The following SUFU variants were observed in gnomAD, a reference collection of about 807,000 sequenced individuals.
SUFU encodes SUFU negative regulator of hedgehog signaling.
Under a neutral mutation model 58.9 loss-of-function variants are expected in SUFU, and 7 were observed. The observed-to-expected ratio is 0.12, with a 90% CI of 0.07 to 0.22. The LOEUF (loss-of-function observed/expected upper bound fraction) is 0.22, where lower values mean the gene tolerates loss of function less well. Ranked by LOEUF, SUFU falls within the 10% of genes least tolerant of loss-of-function variation. The pLI, the probability that SUFU is intolerant of heterozygous loss-of-function variation, is 1.00. For synonymous variants in SUFU, 232 were observed against 254.8 expected, an observed-to-expected ratio of 0.91 and a Z score of 0.85; for missense variants, 451 against 641.3, an observed-to-expected ratio of 0.70 and a Z score of 3.20.
chr10:102,539,081 T>C (rs1401381113), intron 2 of SUFU, among the ~76,000 whole-genome samples: 3 of 152,260 alleles, frequency 2.0e-5, no homozygotes, highest in Admixed American at 6.5e-5. Context: ...TTTCCTGGTA[T>C]GTGGGGCTTT....
intron 6 of SUFU, among the ~76,000 whole-genome samples, chr10:102,596,117 T>C (rs184473746): frequency 7.2e-5 from 11 of 152,216 alleles, no homozygotes; most frequent in Admixed American, 5.2e-4. Flanking sequence ...AAGGAGGAGA[T>C]GACTGATGGG....
chr10:102,600,038 G>A (rs971287803), intron 8 of SUFU, among the ~76,000 whole-genome samples: 1 of 152,116 alleles, frequency 6.6e-6, no homozygotes, highest in African/African-American at 2.4e-5. Context: ...CCCAGGGAAG[G>A]GAAAGGAAGT....
In SUFU at chr10:102,608,095, G is replaced by A. The variant is rs118108415; in HGVS notation, c.1023-7173G>A. Among the ~76,000 whole-genome samples the A allele has an allele frequency of 8.7e-3, 1,319 of 151,852 alleles. 45 individuals are homozygous for A. In the East Asian group the frequency reaches 0.11, roughly 12 times the overall value. On this transcript the variant is annotated intron_variant, in intron 8 of 11. Transcript: ENST00000369902. ...AAAAATCAGCCAGGCGTGATGGTGG[G>A]TGCCTATAATCCCAGCTCTTCGGGA...
At chr10:102,597,659 C>T (rs985164647) in intron 7 of SUFU, among the ~76,000 whole-genome samples, 1 of 152,264 alleles carries the variant, frequency 6.6e-6, no homozygotes, top group Non-Finnish European at 1.5e-5. Flanking sequence ...GGAATTGACA[C>T]AGGGCCCAGC....
chr10:102,599,908 C>T (rs1371272237), intron 8 of SUFU, among the ~76,000 whole-genome samples: 1 of 152,198 alleles, frequency 6.6e-6, no homozygotes, highest in Admixed American at 6.5e-5. Flanking sequence ...GTTGCCCTTC[C>T]TTCCTTCCTG....
chr10:102,514,142 C>G (rs558028062), intron 2 of SUFU, among the ~76,000 whole-genome samples: 2 of 152,090 alleles, frequency 1.3e-5, no homozygotes, highest in Non-Finnish European at 2.9e-5. Context: ...CTGCCTTGGC[C>G]TCTCAAAGTG....
intron 2 of SUFU, among the ~76,000 whole-genome samples, chr10:102,539,998 G>A (rs1046965795): frequency 6.6e-6 from 1 of 152,132 alleles, no homozygotes; most frequent in African/African-American, 2.4e-5. Context: ...TGCTCAGATT[G>A]TTGTTGATTT....
chr10:102,613,417 G>A (rs767689223), intron 8 of SUFU, among the ~76,000 whole-genome samples: 3 of 152,212 alleles, frequency 2.0e-5, no homozygotes, highest in African/African-American at 4.8e-5. Context: ...TCAGGGGCAC[G>A]TCTAACCCAC....
At chr10:102,593,391 G>A (rs1416962136) in intron 4 of SUFU, among the ~76,000 whole-genome samples, 4 of 152,260 alleles carry the variant, frequency 2.6e-5, no homozygotes. Flanking sequence ...GCTAGACTTG[G>A]TGTCATCCAG....
chr10:102,510,591 G>A (rs1430276073), intron 2 of SUFU, among the ~76,000 whole-genome samples: 1 of 151,848 alleles, frequency 6.6e-6, no homozygotes, highest in African/African-American at 2.4e-5. Context: ...TGGGGCTGAG[G>A]CAGGTGGCTC....
chr10:102,561,995 A>G (rs2063042752), intron 3 of SUFU, among the ~76,000 whole-genome samples: 1 of 152,136 alleles, frequency 6.6e-6, no homozygotes, highest in Non-Finnish European at 1.5e-5. Context: ...TGTGTTGCAC[A>G]GTTTAGAGTT....
intron 3 of SUFU, among the ~76,000 whole-genome samples, chr10:102,586,688 G>T (rs1192629473): frequency 2.6e-5 from 4 of 152,162 alleles, no homozygotes; most frequent in African/African-American, 4.8e-5. Context: ...AAAAGAAATT[G>T]TGATTAAATA....
chr10:102,614,408 A>C (rs2063660667), intron 8 of SUFU, among the ~76,000 whole-genome samples: 1 of 149,002 alleles, frequency 6.7e-6, no homozygotes. Context: ...ATACAAAAAA[A>C]TTAGCTGGAC....
In SUFU at chr10:102,631,180, C is replaced by G. The variant is rs1590096117; in HGVS notation, c.*1025C>G. 4.3e-6 allele frequency: 1 copy of G among 233,474 alleles called. No individual in the cohort carries two copies. The highest frequency in any genetic ancestry group is 1.8e-4 in the South Asian group (1 of 5,532). The allele number at this position is 233,474 out of a possible 1,614,324, so 14.5% of individuals were successfully genotyped here. A position where few individuals can be genotyped will look rare whatever the true frequency, so the allele number is the denominator to read the frequency against. On this transcript the variant is annotated 3_prime_UTR_variant, in exon 12 of 12. Coordinates refer to ENST00000369902, the MANE Select transcript of SUFU (RefSeq NM_016169.4). ...CTCAGTCCCTGGGCCTCCCAGCCTTCAGGCTGTAGGGCTGCCTTACTAAAA... is the reference window on the plus strand; with the variant it reads ...CTCAGTCCCTGGGCCTCCCAGCCTTGAGGCTGTAGGGCTGCCTTACTAAAA...
At chr10:102,592,544 G>A (rs1193845632) in intron 3 of SUFU, 38 bp from the exon 4 acceptor site, 3 of 1,612,942 alleles carry the variant, frequency 1.9e-6, no homozygotes, top group Non-Finnish European at 2.5e-6. Context: ...CTGGATCTGG[G>A]GCCTTGAACA....
At chr10:102,533,202 T>C (rs185097884) in intron 2 of SUFU, among the ~76,000 whole-genome samples, 146 of 152,254 alleles carry the variant, frequency 9.6e-4, no homozygotes, top group Non-Finnish European at 1.8e-3. Context: ...ACAAAATTAG[T>C]GTCTTGGAAC....
chr10:102,558,946 A>G (rs918970535), intron 3 of SUFU, among the ~76,000 whole-genome samples: 1 of 152,308 alleles, frequency 6.6e-6, no homozygotes, highest in Admixed American at 6.5e-5. Context: ...CTTACCTTAC[A>G]TGGCAAGCCA....
At chr10:102,510,261 G>A (rs1267989014) in intron 2 of SUFU, among the ~76,000 whole-genome samples, 2 of 152,030 alleles carry the variant, frequency 1.3e-5, no homozygotes, top group African/African-American at 4.8e-5. Flanking sequence ...CCAGGCTGGA[G>A]TGCAGTGGGG....
chr10:102,506,772 T>C (rs550651990), intron 1 of SUFU, among the ~76,000 whole-genome samples: 91 of 152,158 alleles, frequency 6.0e-4, no homozygotes, highest in Non-Finnish European at 1.2e-3. Flanking sequence ...TCCCACGAGG[T>C]TTCTAGCAGG....
Sources: allele counts gnomAD v4.1 joint callset (sites outside exome capture counted in the v4.1 genomes callset), GRCh38; gene constraint gnomAD v4.1.1; transcripts MANE v1.5; gene names NCBI Gene and HGNC (gene_info 2026-07-23, HGNC 2026-07-21).